The following LDLRAD4 variants were observed in gnomAD, a reference collection of about 807,000 sequenced individuals.
The protein encoded by LDLRAD4 is low-density lipoprotein receptor class A domain-containing protein 4.
LDLRAD4 carries 5 observed loss-of-function variants against 17.0 expected under a neutral mutation model. That is an observed-to-expected ratio of 0.29 (90% CI 0.15 to 0.62). The LOEUF is 0.62. LDLRAD4 is among the 20% of genes least tolerant of loss of function. LDLRAD4 has a pLI of 0.84. For missense variants in LDLRAD4, 340 were observed against 424.7 expected, an observed-to-expected ratio of 0.80 and a Z score of 1.75; for synonymous variants, 168 against 171.8, an observed-to-expected ratio of 0.98 and a Z score of 0.17.
intron 2 of LDLRAD4, among the ~76,000 whole-genome samples, chr18:13,428,049 T>C (rs2090074319): frequency 6.6e-6 from 1 of 152,210 alleles, no homozygotes; most frequent in East Asian, 1.9e-4. Context: ...TGTACCACAC[T>C]CTGGGGACTC....
At chr18:13,234,934 C>T (rs1246153709) in intron 1 of LDLRAD4, 1 of 152,122 alleles carries the variant, frequency 6.6e-6, no homozygotes, top group Non-Finnish European at 1.5e-5. Flanking sequence ...TGCTTAGAAA[C>T]CAATTTATCA....
At chr18:13,448,860 C>T (rs1005573106) in intron 3 of LDLRAD4, among the ~76,000 whole-genome samples, 1 of 152,166 alleles carries the variant, frequency 6.6e-6, no homozygotes, top group Non-Finnish European at 1.5e-5. Flanking sequence ...TGAGATACGT[C>T]GTGGACTGCA....
chr18:13,311,865 T>C (rs182577916), intron 1 of LDLRAD4, among the ~76,000 whole-genome samples: 7 of 148,162 alleles, frequency 4.7e-5, no homozygotes, highest in African/African-American at 1.7e-4. Context: ...GGAGTCTTGC[T>C]CTGTTGCCCA....
chr18:13,350,017 T>A (rs920169854), intron 1 of LDLRAD4, among the ~76,000 whole-genome samples: 2 of 152,246 alleles, frequency 1.3e-5, no homozygotes, highest in Non-Finnish European at 2.9e-5. Flanking sequence ...CCACATTTTC[T>A]GTATCCAGTC....
chr18:13,501,957 C>T (rs1385433730), intron 3 of LDLRAD4, among the ~76,000 whole-genome samples: 1 of 152,256 alleles, frequency 6.6e-6, no homozygotes, highest in African/African-American at 2.4e-5. Flanking sequence ...TTTTACTCCA[C>T]TGGCTTCAGA....
intron 1 of LDLRAD4, among the ~76,000 whole-genome samples, chr18:13,358,557 T>C (rs2083474904): frequency 6.6e-6 from 1 of 152,160 alleles, no homozygotes; most frequent in South Asian, 2.1e-4. Flanking sequence ...ATGTGATAAA[T>C]AAAATTTATC....
At chr18:13,411,839 C>T (rs2088396022) in intron 2 of LDLRAD4, among the ~76,000 whole-genome samples, 1 of 151,988 alleles carries the variant, frequency 6.6e-6, no homozygotes, top group African/African-American at 2.4e-5. Flanking sequence ...TAGTCTGCAC[C>T]CAAGTTCTTT....
At chr18:13,273,947 G>A (rs917421547), upstream of LDLRAD4, among the ~76,000 whole-genome samples, 2 of 152,106 alleles carry the variant, frequency 1.3e-5, no homozygotes, top group African/African-American at 4.8e-5. Flanking sequence ...AGGTGGTTTA[G>A]GGTTAGTGAG....
In LDLRAD4 at chr18:13,641,518, C is replaced by A. The variant is rs977781917; in HGVS notation, c.337-1841C>A. On this transcript the variant is annotated intron_variant, in intron 4 of 5. Transcript: ENST00000359446. ...AGATAGTCCTTGCATTCAGGCAAGCCACAGCAGGTGCCGCCTAGGGCAGCG... is the reference window on the plus strand; with the variant it reads ...AGATAGTCCTTGCATTCAGGCAAGCAACAGCAGGTGCCGCCTAGGGCAGCG... 1.6e-4 allele frequency among the ~76,000 whole-genome samples: 24 copies of A among 152,234 alleles called. 1 individual carries two copies. The highest frequency in any genetic ancestry group is 5.3e-4 in the African/African-American group (22 of 41,468).
chr18:13,599,730 A>T (rs1009478356), intron 3 of LDLRAD4, among the ~76,000 whole-genome samples: 3 of 152,020 alleles, frequency 2.0e-5, no homozygotes, highest in Non-Finnish European at 4.4e-5. Context: ...TGACCTCGTG[A>T]TCCGCCTGTC....
At chr18:13,458,094 G>T (rs1160426324) in intron 3 of LDLRAD4, among the ~76,000 whole-genome samples, 1 of 152,120 alleles carries the variant, frequency 6.6e-6, no homozygotes, top group African/African-American at 2.4e-5. Context: ...TGTGGTAAAG[G>T]CAAGTCTCCT....
chr18:13,438,471 G>T (rs16940538), intron 3 of LDLRAD4, 87 bp downstream of exon 4: 2 of 1,056,970 alleles, frequency 1.9e-6, no homozygotes, highest in Admixed American at 2.1e-5. Flanking sequence ...TGGGAAGGAG[G>T]TTGTTTTCTG....
chr18:13,579,196 T>C (rs1342195125), intron 3 of LDLRAD4, among the ~76,000 whole-genome samples: 2 of 151,604 alleles, frequency 1.3e-5, no homozygotes, highest in African/African-American at 2.4e-5. Context: ...TCTCAAAAAA[T>C]AAAAATAAAA....
chr18:13,561,418 A>G (rs2148213126), intron 3 of LDLRAD4: 1 of 152,334 alleles, frequency 6.6e-6, no homozygotes, highest in Admixed American at 6.5e-5. Flanking sequence ...TGCCCTTGTA[A>G]TTAAATTTTT....
Position 13,360,304 on chromosome 18 carries a change from T to G in LDLRAD4, c.-382-27037T>G, listed in dbSNP as rs533261489. ...AATAAAATATCCTGTAGAGATTCCC[T>G]TCTCAGAAAAGTGCTGTTTGCCCTC... On this transcript the variant is annotated intron_variant, in intron 1 of 5. Coordinates refer to ENST00000359446, the Ensembl canonical transcript of LDLRAD4. Among the ~76,000 whole-genome samples the G allele has an allele frequency of 4.6e-5, 7 of 152,374 alleles. No homozygotes were observed. The East Asian group carries it at 1.3e-3, about 29-fold the overall frequency.
chr18:13,441,044 G>A (rs998833057), intron 3 of LDLRAD4, among the ~76,000 whole-genome samples: 2 of 152,224 alleles, frequency 1.3e-5, no homozygotes, highest in Non-Finnish European at 1.5e-5. Context: ...CCTCTGGATT[G>A]TTCTGTGTGG....
At chr18:13,636,231 C>A (rs1169597805) in intron 4 of LDLRAD4, among the ~76,000 whole-genome samples, 2 of 152,118 alleles carry the variant, frequency 1.3e-5, no homozygotes, top group Non-Finnish European at 2.9e-5. Flanking sequence ...ACAGTCCCAG[C>A]ATGCTCAAGT....
At chr18:13,230,772 T>C (rs998281131) in intron 1 of LDLRAD4, among the ~76,000 whole-genome samples, 3 of 152,200 alleles carry the variant, frequency 2.0e-5, no homozygotes, top group African/African-American at 7.2e-5. Flanking sequence ...CTTTCAGTTG[T>C]TGTGAACTCA....
At chr18:13,265,682 G>A (rs376145491) in intron 1 of LDLRAD4, among the ~76,000 whole-genome samples, 1 of 152,132 alleles carries the variant, frequency 6.6e-6, no homozygotes, top group Non-Finnish European at 1.5e-5. Flanking sequence ...GCACGTTTCC[G>A]AGGACTTGTC....
Sources: allele counts gnomAD v4.1 joint callset (sites outside exome capture counted in the v4.1 genomes callset), GRCh38; gene constraint gnomAD v4.1.1; transcripts MANE v1.5; gene names NCBI Gene and HGNC (gene_info 2026-07-23, HGNC 2026-07-21).